Variants in ADAM28 observed in about 807,000 individuals in gnomAD.
ADAM28 encodes the protein ADAM metallopeptidase domain 28, also known as disintegrin and metalloproteinase domain-containing protein 28.
In ADAM28, 105 loss-of-function variants were observed where a neutral mutation model predicts 101.2. The observed-to-expected ratio is 1.04, with a 90% CI of 0.89 to 1.22. The LOEUF (loss-of-function observed/expected upper bound fraction) is 1.22, where lower values mean the gene tolerates loss of function less well. ADAM28 is among the 50% of genes most tolerant of loss of function. The pLI is 0.00. For missense variants in ADAM28, 1,028 were observed against 945.4 expected (o/e 1.09, Z -1.15); for synonymous variants, 322 against 310.6 (o/e 1.04, Z -0.39).
At chr8:24,298,409 G>C (rs1192430056) in intron 1 of ADAM28, among the ~76,000 whole-genome samples, 3 of 152,030 alleles carry the variant, frequency 2.0e-5, no homozygotes, top group Non-Finnish European at 2.9e-5. Context: ...AGTCATTCTC[G>C]AGTAATTTTT....
chr8:24,320,875 T>C (rs1455833502), intron 7 of ADAM28, among the ~76,000 whole-genome samples: 1 of 152,004 alleles, frequency 6.6e-6, no homozygotes, highest in African/African-American at 2.4e-5. Context: ...GCTTAATTCA[T>C]GTACTGTTCA....
Position 24,357,762 on chromosome 8 carries a change from T to G in ADAM28, c.*3358T>G, listed in dbSNP as rs1046931541. 15 of 11,144 alleles carry G rather than the reference T, an allele frequency of 1.3e-3. No homozygotes were observed. Among genetic ancestry groups the G allele is most frequent in the African/African-American group, 2.6e-3 (14 of 5,486 alleles). 0.7% of individuals were successfully genotyped at this position (11,144 alleles called of 1,614,324 possible). On this transcript the variant is annotated 3_prime_UTR_variant, in exon 23 of 23. Coordinates refer to ENST00000265769, the MANE Select transcript of ADAM28 (RefSeq NM_014265.6). Reference sequence around the variant, plus strand: ...AATAGGCTTTCATCACTGCAAAACTTTTTTTCCTTTCTTTGTGTCTCTAGT... The same window carrying G: ...AATAGGCTTTCATCACTGCAAAACTGTTTTTCCTTTCTTTGTGTCTCTAGT...
chr8:24,308,187 G>C (rs75234663), intron 2 of ADAM28, among the ~76,000 whole-genome samples: 2,059 of 152,024 alleles, frequency 0.014, 50 homozygotes, highest in African/African-American at 0.047. Context: ...TCCAAATCAA[G>C]GTGCATCTTA....
intron 15 of ADAM28, chr8:24,340,800 G>T (rs1201252537): frequency 6.6e-6 from 1 of 152,146 alleles, no homozygotes; most frequent in Non-Finnish European, 1.5e-5. Flanking sequence ...AGCCAAGAGA[G>T]ATCAAAAAAT....
chr8:24,330,563 CT>C (rs571637820), intron 11 of ADAM28, among the ~76,000 whole-genome samples: 1 of 152,146 alleles, frequency 6.6e-6, no homozygotes, highest in South Asian at 2.1e-4. Flanking sequence ...ATCTCACAAT[CT>C]TTTTTAAATA....
intron 8 of ADAM28, among the ~76,000 whole-genome samples, chr8:24,323,445 C>T (rs1812139339): frequency 1.3e-5 from 2 of 151,922 alleles, no homozygotes; most frequent in Non-Finnish European, 2.9e-5. Flanking sequence ...GCCAACTTTG[C>T]TAATTCTGAA....
At chr8:24,343,419 T>A (rs549378848) in intron 17 of ADAM28, 87 bp from the exon 18 acceptor site, 2 of 1,380,010 alleles carry the variant, frequency 1.4e-6, no homozygotes, top group African/African-American at 2.9e-5. Context: ...TTATTCCTTT[T>A]TCTGCATGAA....
At position 24,323,919 on chromosome 8, in the gene ADAM28, C is replaced by T; in HGVS notation, c.806C>T (p.Ala269Val). 1 of 1,612,262 alleles carries T rather than the reference C, an allele frequency of 6.2e-7. No individual in the cohort carries two copies. The highest frequency in any genetic ancestry group is 8.5e-7 in the Non-Finnish European group (1 of 1,178,850). ...DKDKIKITPNASFTLENFSKW... is the reference protein window; with the variant it reads ...DKDKIKITPNVSFTLENFSKW... ...GATAAGATAAAGATAACCCCAAATGCAAGCTTCACCTTGGAGAATTTTTCT... is the reference window on the plus strand; with the variant it reads ...GATAAGATAAAGATAACCCCAAATGTAAGCTTCACCTTGGAGAATTTTTCT... Residue 269 changes from alanine (A) to valine (V), a missense_variant, in exon 9 of 23, where the codon GCA (alanine) becomes GTA (valine). Transcript: ENST00000265769.
intron 9 of ADAM28, among the ~76,000 whole-genome samples, chr8:24,325,243 G>A (rs1222020356): frequency 6.6e-6 from 1 of 151,890 alleles, no homozygotes; most frequent in Non-Finnish European, 1.5e-5. Context: ...TAGACGAGAT[G>A]ATAAATGTAT....
chr8:24,351,978 T>A lies in ADAM28; in HGVS notation c.2179-9T>A. On this transcript the variant is annotated splice_polypyrimidine_tract_variant and intron_variant, in intron 20 of 22. Coordinates refer to ENST00000265769, the MANE Select transcript of ADAM28 (RefSeq NM_014265.6). ...TGGTTCATTTTGAAATATTCGTTCT[T>A]CTTTTCAGATGAGTCAGATGAAGCC... is the stretch of plus-strand genomic sequence containing the variant. 1 of 1,613,402 alleles carries A rather than the reference T, an allele frequency of 6.2e-7. No homozygotes were observed. The highest frequency in any genetic ancestry group is 8.5e-7 in the Non-Finnish European group (1 of 1,179,538).
At chr8:24,296,374 G>A (rs971403079) in intron 1 of ADAM28, 1 of 152,186 alleles carries the variant, frequency 6.6e-6, no homozygotes, top group Non-Finnish European at 1.5e-5. Flanking sequence ...AAGATGGTTT[G>A]AGGAGATGCA....
chr8:24,321,940 G>T (rs1811934793), intron 8 of ADAM28, among the ~76,000 whole-genome samples: 1 of 151,852 alleles, frequency 6.6e-6, no homozygotes, highest in Admixed American at 6.6e-5. Flanking sequence ...TTTTCTGTTT[G>T]TTGGATATAT....
chr8:24,329,007 C>G (rs1181021701), intron 10 of ADAM28, among the ~76,000 whole-genome samples: 2 of 151,822 alleles, frequency 1.3e-5, no homozygotes, highest in African/African-American at 4.8e-5. Context: ...AAAAATCATT[C>G]AAGTTAGGAA....
Position 24,349,889 on chromosome 8 carries a change from G to C in ADAM28, c.2016G>C (p.Leu672=). Residue 672 remains leucine, a synonymous_variant, in exon 19 of 23, where the codon CTG becomes CTC. Coordinates refer to ENST00000265769, the MANE Select transcript of ADAM28 (RefSeq NM_014265.6). ...ACTTCTCCATTGTGGTTGGGGTGCT[G>C]TTCCCAATGGCGGTCATTTTTGTGG... ...VFHFSIVVGV[L]FPMAVIFVVV... The C allele has an allele frequency of 1.2e-6, 2 of 1,613,686 alleles. No individual in the cohort carries two copies. The highest frequency in any genetic ancestry group is 1.7e-6 in the Non-Finnish European group (2 of 1,179,730).
chr8:24,325,855 G>T (rs1812467410), intron 9 of ADAM28, among the ~76,000 whole-genome samples: 1 of 91,040 alleles, frequency 1.1e-5, no homozygotes, highest in Non-Finnish European at 2.0e-5. Flanking sequence ...TAAGGGCCAG[G>T]ATCTTGTACA....
rs1274855827 is a variant in ADAM28, at chr8:24,358,039, C to T, written c.*3635C>T. On this transcript the variant is annotated 3_prime_UTR_variant, in exon 23 of 23. Coordinates refer to ENST00000265769, the MANE Select transcript of ADAM28 (RefSeq NM_014265.6). ...GTTGTTTCTCTTGTTTACTTAATAA[C>T]ATTCTCTTCTTTCCTATCAGTTTAA... 6.6e-6 allele frequency: 1 copy of T among 152,118 alleles called. No homozygotes were observed. The highest frequency in any genetic ancestry group is 2.4e-5 in the African/African-American group (1 of 41,426). The allele number at this position is 152,118 out of a possible 1,614,324, so 9.4% of individuals were successfully genotyped here. A position where few individuals can be genotyped will look rare whatever the true frequency, so the allele number is the denominator to read the frequency against.
At chr8:24,337,528 C>T (rs1814247391) in intron 14 of ADAM28, among the ~76,000 whole-genome samples, 1 of 152,226 alleles carries the variant, frequency 6.6e-6, no homozygotes, top group African/African-American at 2.4e-5. Context: ...CAGTGCCTCC[C>T]AGCACAGTGT....
intron 18 of ADAM28, among the ~76,000 whole-genome samples, chr8:24,347,267 A>C (rs1563325969): frequency 6.6e-6 from 1 of 152,070 alleles, no homozygotes; most frequent in Non-Finnish European, 1.5e-5. Flanking sequence ...GAATAAACCT[A>C]AGTTAGAAAT....
At chr8:24,311,502 C>T in intron 5 of ADAM28, 65 bp downstream of exon 5, 1 of 1,223,284 alleles carries the variant, frequency 8.2e-7, no homozygotes, top group Non-Finnish European at 1.2e-6. Context: ...ATCTAACCAA[C>T]CAGATGAATC....
Sources: allele counts gnomAD v4.1 joint callset (sites outside exome capture counted in the v4.1 genomes callset), GRCh38; gene constraint gnomAD v4.1.1; transcripts MANE v1.5; gene names NCBI Gene and HGNC (gene_info 2026-07-23, HGNC 2026-07-21).